Variants in LRRK2 observed in about 807,000 individuals in gnomAD.
LRRK2 encodes the protein leucine-rich repeat serine/threonine-protein kinase 2.
In LRRK2, 203 loss-of-function variants were observed where a neutral mutation model predicts 302.6. The observed-to-expected ratio is 0.67, with a 90% confidence interval of 0.60 to 0.75. The LOEUF is 0.75. LRRK2 is among the 30% of genes least tolerant of loss of function. LRRK2 has a pLI of 0.00. For missense variants in LRRK2, 2,830 were observed against 2,951.0 expected (o/e 0.96, Z 0.95); for synonymous variants, 1,066 against 1,031.9 (o/e 1.03, Z -0.63).
chr12:40,356,254 C>G, intron 46 of LRRK2, 67 bp downstream of exon 46: 4 of 1,099,594 alleles, frequency 3.6e-6, no homozygotes, highest in Non-Finnish European at 5.3e-6. Flanking sequence ...TATCTCACAC[C>G]CCTCTTATGG....
intron 28 of LRRK2, among the ~76,000 whole-genome samples, chr12:40,306,875 AG>A (rs1944843934): frequency 1.3e-5 from 2 of 152,252 alleles, no homozygotes; most frequent in South Asian, 4.1e-4. Context: ...TTCATTTTAA[AG>A]GAGTTTGTTA....
At chr12:40,235,835 T>G in intron 4 of LRRK2, 121 bp downstream of exon 4, 1 of 651,786 alleles carries the variant, frequency 1.5e-6, no homozygotes, top group Non-Finnish European at 2.7e-6. Context: ...TAGGGTAGCT[T>G]GATTTAAATG....
chr12:40,365,326 G>T (rs1946843842), intron 49 of LRRK2: 1 of 376,234 alleles, frequency 2.7e-6, no homozygotes, highest in African/African-American at 2.1e-5. Context: ...AGGCAAAAAT[G>T]GGAAATACAT....
intron 45 of LRRK2, among the ~76,000 whole-genome samples, chr12:40,354,835 AAAAAAAAAATATATAT>A (rs749869586): frequency 6.7e-6 from 1 of 149,264 alleles, no homozygotes; most frequent in Non-Finnish European, 1.5e-5. Flanking sequence ...ATTCTTTGAA[AAAAAAAAAATATATAT>A]ATATATATAT....
intron 14 of LRRK2, 49 bp downstream of exon 14, chr12:40,263,950 A>G: frequency 1.5e-6 from 2 of 1,371,882 alleles, no homozygotes; most frequent in East Asian, 2.4e-5. Context: ...CTAAAATATT[A>G]AATTTGGAGA....
chr12:40,299,372 G>A, intron 25 of LRRK2, 115 bp downstream of exon 25: 1 of 1,151,068 alleles, frequency 8.7e-7, no homozygotes, highest in Non-Finnish European at 1.3e-6. Flanking sequence ...TAAATATTAT[G>A]CTGGATTTAA....
rs778207306 is a variant in LRRK2, at chr12:40,225,234, C to G, written c.103C>G (p.Leu35Val). 2 of 1,614,162 alleles carry G rather than the reference C, an allele frequency of 1.2e-6. No homozygotes were observed. Among genetic ancestry groups the G allele is most frequent in the Admixed American group, 3.3e-5 (2 of 60,024 alleles). ...NVQEGKQIETLVQILEDLLVF... is the reference protein window; with the variant it reads ...NVQEGKQIETVVQILEDLLVF... ...CCAGGAAGGAAAACAGATAGAAACG[C>G]TGGTCCAAATCCTGGAGGATCTGCT... Residue 35 changes from leucine to valine, a missense_variant, in exon 1 of 51, where the codon CTG (leucine) becomes GTG (valine). Leu to Val is a conservative substitution (Grantham distance 32). Around this residue, in one of 3 missense-constraint regions of LRRK2, gnomAD observed 2,121 missense variants for 2,148.0 expected, o/e 0.99. Coordinates refer to ENST00000298910, the MANE Select transcript of LRRK2 (RefSeq NM_198578.4).
chr12:40,328,848 A>G (rs1275132839), intron 39 of LRRK2, among the ~76,000 whole-genome samples: 1 of 152,142 alleles, frequency 6.6e-6, no homozygotes, highest in Non-Finnish European at 1.5e-5. Context: ...ATTGTTCCTG[A>G]TACTCCACAG....
In LRRK2 at chr12:40,274,990, T is replaced by C; in HGVS notation, c.1938T>C (p.Thr646=). 6.2e-7 allele frequency: 1 copy of C among 1,613,904 alleles called. No homozygotes were observed. The highest frequency in any genetic ancestry group is 8.5e-7 in the Non-Finnish European group (1 of 1,179,880). The change falls in exon 16 of 51, where the codon ACT becomes ACC. Residue 646 remains threonine (T), a synonymous_variant. Coordinates refer to ENST00000298910, the MANE Select transcript of LRRK2 (RefSeq NM_198578.4). Reference sequence around the variant, plus strand: ...TTAAGGATGTTGCTGAAATACAGACTAAAGTATGTGCATTATCTTGGAAAG... The same window carrying C: ...TTAAGGATGTTGCTGAAATACAGACCAAAGTATGTGCATTATCTTGGAAAG... ...YRFKDVAEIQ[T]KGFQTILAIL...
rs2136783570 is a variant in LRRK2, at chr12:40,304,135, G to A, written c.3777+1G>A. ...TCTTTCTCACAATAAACTGAAAGAG[G>A]TAAGACGATTATTGCCACTTAAAAA... On this transcript the variant is annotated splice_donor_variant, in intron 27 of 50. Coordinates refer to ENST00000298910, the MANE Select transcript of LRRK2 (RefSeq NM_198578.4). LOFTEE classifies it high-confidence loss of function. 1 of 1,612,176 alleles carries A rather than the reference G, an allele frequency of 6.2e-7. No individual in the cohort carries two copies. Among genetic ancestry groups the A allele is most frequent in the East Asian group, 2.2e-5 (1 of 44,842 alleles).
chr12:40,301,163 T>A, intron 25 of LRRK2: 2 of 454,984 alleles, frequency 4.4e-6, no homozygotes, highest in Admixed American at 4.7e-5. Flanking sequence ...TGAGAAGTGG[T>A]CTTACATTTG....
intron 7 of LRRK2, among the ~76,000 whole-genome samples, chr12:40,244,913 GTA>G (rs760380237): frequency 7.3e-5 from 11 of 150,090 alleles, no homozygotes; most frequent in Admixed American, 2.7e-4. Flanking sequence ...AGATGAAGAG[GTA>G]GCTGCAGGTT....
chr12:40,251,250 A>G lies in LRRK2; in HGVS notation c.977A>G (p.Asn326Ser). Residue 326 changes from asparagine to serine, a missense_variant, in exon 9 of 51, where the codon AAT becomes AGT. Coordinates refer to ENST00000298910, the MANE Select transcript of LRRK2 (RefSeq NM_198578.4). ...TTTCAAGCTGAGACTATTTTCTTAA[A>G]TCAAGATTTAGAGGAAAAGAATGAG... ...LALLTETIFL[N>S]QDLEEKNENQ... is the part of the protein sequence containing the mutation. The G allele has an allele frequency of 4.4e-6, 7 of 1,598,600 alleles. No individual in the cohort carries two copies. Among genetic ancestry groups the G allele is most frequent in the South Asian group, 3.4e-5 (3 of 89,062 alleles).
At chr12:40,351,294 T>C (rs1265052562) in intron 43 of LRRK2, among the ~76,000 whole-genome samples, 2 of 152,152 alleles carry the variant, frequency 1.3e-5, no homozygotes, top group Non-Finnish European at 2.9e-5. Flanking sequence ...GAGATTTTCT[T>C]TTCAAGTTAA....
chr12:40,275,924 AT>A (rs1282399674), intron 16 of LRRK2, among the ~76,000 whole-genome samples: 1 of 152,040 alleles, frequency 6.6e-6, no homozygotes, highest in Non-Finnish European at 1.5e-5. Flanking sequence ...CTCAGGAAAT[AT>A]TTTTTGTAAC....
At chr12:40,330,641 G>C (rs1321008164) in intron 39 of LRRK2, among the ~76,000 whole-genome samples, 1 of 151,922 alleles carries the variant, frequency 6.6e-6, no homozygotes, top group African/African-American at 2.4e-5. Context: ...TATGTACCAG[G>C]TTAGGTGATG....
intron 32 of LRRK2, among the ~76,000 whole-genome samples, chr12:40,314,926 A>G (rs1303849554): frequency 6.6e-6 from 1 of 152,096 alleles, no homozygotes; most frequent in African/African-American, 2.4e-5. Flanking sequence ...TCAGCAAGCG[A>G]AACAGAAAAT....
At chr12:40,314,485 A>G (rs1194489051) in intron 32 of LRRK2, among the ~76,000 whole-genome samples, 2 of 152,080 alleles carry the variant, frequency 1.3e-5, no homozygotes, top group African/African-American at 4.8e-5. Flanking sequence ...TGAATAGTCA[A>G]ATGACATTCA....
At chr12:40,300,898 TG>T (rs1396116101) in intron 25 of LRRK2, 1 of 471,178 alleles carries the variant, frequency 2.1e-6, no homozygotes, top group Admixed American at 2.3e-5. Context: ...ACATTTAAGT[TG>T]GGTCTGGAAA....
Sources: gnomAD v4.1 joint callset for allele counts (sites outside exome capture counted in the v4.1 genomes callset) on GRCh38, gnomAD v4.1.1 for gene constraint, gnomAD v4.1.1 regional missense constraint, MANE v1.5 for transcripts, NCBI Gene and HGNC (gene_info 2026-07-23, HGNC 2026-07-21) for gene names.